PACRG: variants seen among roughly 807,000 people sequenced by gnomAD.
PACRG encodes parkin coregulated.
PACRG carries 29 observed loss-of-function variants against 29.7 expected under a neutral mutation model. The observed-to-expected ratio is 0.98, with a 90% CI of 0.73 to 1.33. The LOEUF is 1.33. Ranked by LOEUF, PACRG falls within the 40% of genes most tolerant of loss-of-function variation. The pLI, the probability that PACRG is intolerant of heterozygous loss-of-function variation, is 0.00. For synonymous variants in PACRG, 116 were observed against 118.7 expected (o/e 0.98, Z 0.15); for missense variants, 279 against 316.2 (o/e 0.88, Z 0.89).
chr6:163,122,587 G>T (rs1053993489), intron 4 of PACRG, among the ~76,000 whole-genome samples: 2 of 152,042 alleles, frequency 1.3e-5, no homozygotes, highest in African/African-American at 4.8e-5. Context: ...TGATCCCTTC[G>T]CAACAGCTCC....
At chr6:163,017,371 T>C (rs1321014352) in intron 2 of PACRG, among the ~76,000 whole-genome samples, 2 of 152,206 alleles carry the variant, frequency 1.3e-5, no homozygotes, top group African/African-American at 4.8e-5. Flanking sequence ...TTACAAAATC[T>C]ACAGGTTCTA....
intron 2 of PACRG, among the ~76,000 whole-genome samples, chr6:163,048,981 G>A (rs1468915672): frequency 3.0e-4 from 46 of 152,116 alleles, no homozygotes; most frequent in Admixed American, 1.3e-4. Flanking sequence ...TGAATGCAAG[G>A]TTCTATGTAG....
intron 2 of PACRG, among the ~76,000 whole-genome samples, chr6:162,912,342 T>TTG (rs1796359982): frequency 6.6e-6 from 1 of 152,164 alleles, no homozygotes; most frequent in Non-Finnish European, 1.5e-5. Context: ...CTTAGGGGTC[T>TTG]AAATCCAGTA....
chr6:162,792,502 G>A (rs1259081557), intron 1 of PACRG, among the ~76,000 whole-genome samples: 1 of 152,166 alleles, frequency 6.6e-6, no homozygotes, highest in East Asian at 1.9e-4. Flanking sequence ...CAGGATGCAG[G>A]TCAAGACCGT....
chr6:162,803,643 A>G (rs1447414783), intron 1 of PACRG, among the ~76,000 whole-genome samples: 1 of 152,218 alleles, frequency 6.6e-6, no homozygotes, highest in Non-Finnish European at 1.5e-5. Context: ...AGTATTTAAT[A>G]TATTCCAGTA....
chr6:162,898,666 C>T (rs145610830), intron 2 of PACRG, among the ~76,000 whole-genome samples: 639 of 152,272 alleles, frequency 4.2e-3, no homozygotes, highest in Non-Finnish European at 6.1e-3. Context: ...TAGAACCTAC[C>T]TCACAGGGAT....
At chr6:163,006,045 ATAAC>A (rs1447569775) in intron 2 of PACRG, among the ~76,000 whole-genome samples, 6 of 145,212 alleles carry the variant, frequency 4.1e-5, no homozygotes, top group Non-Finnish European at 6.0e-5. Context: ...TATAACATAT[ATAAC>A]TATGTATAAC....
chr6:162,983,839 T>C (rs1166799377), intron 2 of PACRG, among the ~76,000 whole-genome samples: 1 of 152,004 alleles, frequency 6.6e-6, no homozygotes, highest in Non-Finnish European at 1.5e-5. Context: ...CTTCTTGTAA[T>C]TGGATGTCTA....
At chr6:163,207,891 T>G (rs11755745) in intron 4 of PACRG, among the ~76,000 whole-genome samples, 1 of 152,108 alleles carries the variant, frequency 6.6e-6, no homozygotes, top group African/African-American at 2.4e-5. Context: ...CCAAGTGAGA[T>G]TGTGCCTGTC....
At chr6:163,212,048 G>A (rs530040622) in intron 4 of PACRG, among the ~76,000 whole-genome samples, 28 of 152,252 alleles carry the variant, frequency 1.8e-4, no homozygotes, top group African/African-American at 6.0e-4. Context: ...GACCAGAAAG[G>A]CATCTGCATT....
At chr6:163,027,272 T>G (rs2128225328) in intron 2 of PACRG, among the ~76,000 whole-genome samples, 1 of 152,324 alleles carries the variant, frequency 6.6e-6, no homozygotes, top group East Asian at 1.9e-4. Flanking sequence ...GTTTTTTTCC[T>G]CAAGGTTCGT....
At chr6:163,030,886 T>C (rs1238686132) in intron 2 of PACRG, among the ~76,000 whole-genome samples, 1 of 152,218 alleles carries the variant, frequency 6.6e-6, no homozygotes, top group East Asian at 1.9e-4. Context: ...GCTTCTTTAC[T>C]GCAACCTGTT....
chr6:163,107,636 C>T (rs1815457926), intron 4 of PACRG, among the ~76,000 whole-genome samples: 1 of 152,180 alleles, frequency 6.6e-6, no homozygotes, highest in Non-Finnish European at 1.5e-5. Flanking sequence ...GACCGGGCCT[C>T]TCTGCTTCAT....
chr6:163,103,395 G>A (rs1416337718), intron 4 of PACRG, among the ~76,000 whole-genome samples: 4 of 152,058 alleles, frequency 2.6e-5, no homozygotes, highest in African/African-American at 7.2e-5. Flanking sequence ...CCTATCACTC[G>A]GCCTCCCCTT....
chr6:163,168,389 G>C (rs1022784019), intron 4 of PACRG, among the ~76,000 whole-genome samples: 1 of 152,148 alleles, frequency 6.6e-6, no homozygotes, highest in Non-Finnish European at 1.5e-5. Context: ...AGCATTGCCT[G>C]TCCCTGGGGC....
At chr6:163,142,909 T>G (rs1008730446) in intron 4 of PACRG, among the ~76,000 whole-genome samples, 5 of 152,070 alleles carry the variant, frequency 3.3e-5, no homozygotes, top group African/African-American at 1.2e-4. Flanking sequence ...CTGAAGATCA[T>G]GAAAAATAAA....
chr6:163,269,935 GAAAGAAA>G (rs1783726296), intron 4 of PACRG, among the ~76,000 whole-genome samples: 1 of 15,104 alleles, frequency 6.6e-5, no homozygotes, highest in Non-Finnish European at 1.4e-4. Flanking sequence ...AGAAAACAAA[GAAAGAAA>G]GAAAGAAAGA....
chr6:162,969,060 A>AAAAAAAAAAAAAG (rs1801305374), intron 2 of PACRG, among the ~76,000 whole-genome samples: 2 of 151,284 alleles, frequency 1.3e-5, no homozygotes, highest in African/African-American at 2.4e-5. Flanking sequence ...AAAAAAAAAA[A>AAAAAAAAAAAAAG]AAAAAAGTAA....
rs574306654 is a variant in PACRG, at chr6:163,030,100, T to C, written c.292-32050T>C. Reference sequence around the variant, plus strand: ...GTTTGTATTTTTATATTTCCTTTTATATTCTGTTCTTTTTACTCCACTGAG... The same window carrying C: ...GTTTGTATTTTTATATTTCCTTTTACATTCTGTTCTTTTTACTCCACTGAG... On this transcript the variant is annotated intron_variant, in intron 2 of 4. Coordinates refer to ENST00000366888, the MANE Select transcript of PACRG (RefSeq NM_001080379.2). 3.3e-5 allele frequency among the ~76,000 whole-genome samples: 5 copies of C among 152,324 alleles called. No individual in the cohort carries two copies. The South Asian group carries it at 8.3e-4, about 25-fold the overall frequency.
Sources: allele counts gnomAD v4.1 joint callset (sites outside exome capture counted in the v4.1 genomes callset), GRCh38; gene constraint gnomAD v4.1.1; transcripts MANE v1.5; gene names NCBI Gene and HGNC (gene_info 2026-07-23, HGNC 2026-07-21).